The following CNTN4 variants were observed in gnomAD, a reference collection of about 807,000 sequenced individuals.
The protein encoded by CNTN4 is contactin-4.
In CNTN4, 77 loss-of-function variants were observed where a neutral mutation model predicts 122.5. That is an observed-to-expected ratio of 0.63 (90% confidence interval 0.52 to 0.76). CNTN4 has a LOEUF of 0.76. Among genes scored for constraint, CNTN4 ranks in the 30% least tolerant of loss-of-function variants. The pLI is 0.00. For synonymous variants in CNTN4, 512 were observed against 447.0 expected (o/e 1.15, Z -1.83); for missense variants, 1,256 against 1,259.1 (o/e 1.00, Z 0.04).
intron 13 of CNTN4, among the ~76,000 whole-genome samples, chr3:2,952,437 C>G (rs6442771): frequency 0.092 from 13,963 of 152,242 alleles, 696 homozygotes; most frequent in Non-Finnish European, 0.11. Context: ...ATGTTCTGCT[C>G]AGATTTCATT....
intron 3 of CNTN4, among the ~76,000 whole-genome samples, chr3:2,351,573 G>A (rs2044625338): frequency 6.6e-6 from 1 of 152,190 alleles, no homozygotes; most frequent in Admixed American, 6.5e-5. Context: ...TTTATCTGAG[G>A]TAGATACATT....
At chr3:3,042,897 C>A in intron 21 of CNTN4, 80 bp from the exon 22 acceptor site, 1 of 1,138,528 alleles carries the variant, frequency 8.8e-7, no homozygotes, top group Non-Finnish European at 1.3e-6. Flanking sequence ...TCATAAGAAT[C>A]TGCGTACAAA....
chr3:2,704,190 G>A (rs186032274), intron 4 of CNTN4, among the ~76,000 whole-genome samples: 28 of 151,122 alleles, frequency 1.9e-4, no homozygotes, highest in Non-Finnish European at 1.3e-4. Flanking sequence ...CCCAGTACTC[G>A]GGAGGCTGAG....
At chr3:2,805,871 T>C (rs1029542230) in intron 6 of CNTN4, among the ~76,000 whole-genome samples, 5 of 152,170 alleles carry the variant, frequency 3.3e-5, no homozygotes, top group Non-Finnish European at 5.9e-5. Context: ...CTGTTTTTTC[T>C]ACTCTCATAA....
At position 2,989,234 on chromosome 3, in the gene CNTN4, A is replaced by G. The variant is rs1694847320; in HGVS notation, c.1486+762A>G. On this transcript the variant is annotated intron_variant, in intron 14 of 24. Coordinates refer to ENST00000418658, the MANE Select transcript of CNTN4 (RefSeq NM_175607.3). ...GGATTTTTGAGTTGAAGGGATCTTG[A>G]CAATGATTTGACTGAAGAAGATGAG... 2.6e-5 allele frequency among the ~76,000 whole-genome samples: 4 copies of G among 152,188 alleles called. No homozygotes were observed. The South Asian group carries it at 8.3e-4, about 32-fold the overall frequency.
At chr3:2,620,120 A>G (rs1338201673) in intron 4 of CNTN4, among the ~76,000 whole-genome samples, 2 of 152,190 alleles carry the variant, frequency 1.3e-5, no homozygotes, top group Non-Finnish European at 2.9e-5. Context: ...AAGCAGGACA[A>G]TGCCATACCA....
intron 2 of CNTN4, among the ~76,000 whole-genome samples, chr3:2,272,383 C>T (rs1436538854): frequency 6.6e-6 from 1 of 152,004 alleles, no homozygotes; most frequent in Non-Finnish European, 1.5e-5. Context: ...TAATATCTAC[C>T]TGTTTTCACT....
intron 3 of CNTN4, among the ~76,000 whole-genome samples, chr3:2,514,911 T>C (rs1239944249): frequency 1.6e-4 from 24 of 151,912 alleles, no homozygotes. Flanking sequence ...TTTTCTTCCT[T>C]CCCTTCCCTC....
At chr3:2,973,375 G>T (rs986315781) in intron 13 of CNTN4, among the ~76,000 whole-genome samples, 6 of 151,888 alleles carry the variant, frequency 4.0e-5, no homozygotes, top group Non-Finnish European at 8.8e-5. Context: ...ACACAACCTC[G>T]AGACTAAAAT....
At chr3:2,364,638 A>G (rs1057300527) in intron 3 of CNTN4, among the ~76,000 whole-genome samples, 3 of 152,128 alleles carry the variant, frequency 2.0e-5, no homozygotes, top group Non-Finnish European at 4.4e-5. Context: ...TTGCGCATGA[A>G]GCAAATAAAG....
chr3:2,730,572 A>G (rs1363583333), intron 4 of CNTN4, among the ~76,000 whole-genome samples: 1 of 152,192 alleles, frequency 6.6e-6, no homozygotes, highest in African/African-American at 2.4e-5. Context: ...GCCCTGTAAA[A>G]ATAAAAATAA....
intron 13 of CNTN4, among the ~76,000 whole-genome samples, chr3:2,928,555 G>C (rs1363507049): frequency 6.6e-6 from 1 of 152,134 alleles, no homozygotes; most frequent in Non-Finnish European, 1.5e-5. Context: ...CTAATGCACT[G>C]CCTCATTAGC....
intron 6 of CNTN4, among the ~76,000 whole-genome samples, chr3:2,749,328 G>GTTTT (rs11381094): frequency 2.2e-4 from 30 of 135,656 alleles, no homozygotes; most frequent in South Asian, 4.9e-4. Context: ...GCCCAGATAA[G>GTTTT]TTTTTTTTTT....
chr3:2,434,281 G>C (rs2048182764), intron 3 of CNTN4, among the ~76,000 whole-genome samples: 1 of 152,000 alleles, frequency 6.6e-6, no homozygotes. Context: ...ATAATTATTA[G>C]TTGTCAGTTA....
rs533445982 is a variant in CNTN4 at position 2,349,285 on chromosome 3, G to A, written c.-89+10052G>A. On this transcript the variant is annotated intron_variant, in intron 3 of 24. Transcript: ENST00000418658. Reference sequence around the variant, plus strand: ...CCTTCTGAAGCCAGCCTGCACTACTGCCTTTTACATAAGTAAATTAGGGTA... The same window carrying A: ...CCTTCTGAAGCCAGCCTGCACTACTACCTTTTACATAAGTAAATTAGGGTA... Among the ~76,000 whole-genome samples, 5 of 151,852 alleles carry A rather than the reference G, an allele frequency of 3.3e-5. 1 individual carries two copies. In the South Asian group the frequency reaches 1.0e-3, roughly 32 times the overall value.
At chr3:2,689,124 T>C (rs2085589778) in intron 4 of CNTN4, among the ~76,000 whole-genome samples, 1 of 152,192 alleles carries the variant, frequency 6.6e-6, no homozygotes, top group Admixed American at 6.5e-5. Context: ...AACTTAGTTC[T>C]GACTGCCAAC....
At chr3:2,706,153 A>G (rs1159073820) in intron 4 of CNTN4, among the ~76,000 whole-genome samples, 1 of 151,312 alleles carries the variant, frequency 6.6e-6, no homozygotes, top group Admixed American at 6.7e-5. Flanking sequence ...ACTACAGAAA[A>G]TCATTTTTAA....
chr3:2,163,956 AAG>A (rs557130780), intron 2 of CNTN4, among the ~76,000 whole-genome samples: 1 of 152,192 alleles, frequency 6.6e-6, no homozygotes, highest in African/African-American at 2.4e-5. Context: ...AAGGAACTAA[AAG>A]AGAGAGCTAA....
At chr3:2,404,680 C>A (rs908861483) in intron 3 of CNTN4, among the ~76,000 whole-genome samples, 1 of 152,158 alleles carries the variant, frequency 6.6e-6, no homozygotes, top group Non-Finnish European at 1.5e-5. Context: ...ACCTTAATTC[C>A]ATCTGCAAAG....
Sources: allele counts gnomAD v4.1 joint callset (sites outside exome capture counted in the v4.1 genomes callset), GRCh38; gene constraint gnomAD v4.1.1; transcripts MANE v1.5; gene names NCBI Gene and HGNC (gene_info 2026-07-23, HGNC 2026-07-21).